Variants in VPS41 observed in about 807,000 individuals in gnomAD.
VPS41 encodes the protein vacuolar protein sorting-associated protein 41 homolog.
Under a neutral mutation model 130.9 loss-of-function variants are expected in VPS41, and 85 were observed. The ratio of observed to expected loss-of-function variants is 0.65; its 90% CI spans 0.55 to 0.78. VPS41 has a LOEUF of 0.78. Among genes scored for constraint, VPS41 ranks in the 30% least tolerant of loss-of-function variants. The pLI is 0.00. For missense variants in VPS41, 874 were observed against 1,018.7 expected (o/e 0.86, Z 1.93); for synonymous variants, 335 against 332.9 (o/e 1.01, Z -0.07).
At chr7:38,765,153 A>G (rs1784012368) in intron 16 of VPS41, among the ~76,000 whole-genome samples, 1 of 152,330 alleles carries the variant, frequency 6.6e-6, no homozygotes, top group East Asian at 1.9e-4. Context: ...AAAAAGAAAC[A>G]TCAAAATTAT....
intron 2 of VPS41, among the ~76,000 whole-genome samples, chr7:38,896,336 T>A (rs1786991450): frequency 6.6e-6 from 1 of 152,160 alleles, no homozygotes; most frequent in African/African-American, 2.4e-5. Context: ...ATATACCCTA[T>A]CTATAAGCAA....
chr7:38,738,173 T>C (rs1795809418), intron 25 of VPS41, among the ~76,000 whole-genome samples: 1 of 152,194 alleles, frequency 6.6e-6, no homozygotes, highest in Non-Finnish European at 1.5e-5. Context: ...TGCTATTTTC[T>C]TTTCCCAAGA....
chr7:38,732,341 A>G (rs1027711343), intron 25 of VPS41, among the ~76,000 whole-genome samples: 4 of 152,206 alleles, frequency 2.6e-5, no homozygotes, highest in Admixed American at 2.0e-4. Flanking sequence ...GAGTAGGTGT[A>G]TGTTTAATTT....
intron 1 of VPS41, among the ~76,000 whole-genome samples, chr7:38,902,963 C>G (rs1259715014): frequency 6.6e-6 from 1 of 152,188 alleles, no homozygotes; most frequent in African/African-American, 2.4e-5. Flanking sequence ...TTCTTTGTCT[C>G]CCAGTATCCT....
chr7:38,853,947 C>T (rs184259757), intron 4 of VPS41, among the ~76,000 whole-genome samples: 14 of 152,272 alleles, frequency 9.2e-5, no homozygotes, highest in Admixed American at 5.9e-4. Context: ...GTTTTCTTAG[C>T]CACTTTGGTG....
chr7:38,854,699 T>C (rs545682894), intron 4 of VPS41, among the ~76,000 whole-genome samples: 3 of 152,330 alleles, frequency 2.0e-5, no homozygotes, highest in Non-Finnish European at 4.4e-5. Context: ...TCTATCAATT[T>C]CTTATTTCTA....
Position 38,806,544 on chromosome 7 carries a change from A to T in VPS41, c.451-9680T>A, listed in dbSNP as rs902079458. On this transcript the variant is annotated intron_variant, in intron 7 of 28. Coordinates refer to ENST00000310301, the MANE Select transcript of VPS41 (RefSeq NM_014396.4). The stretch of plus-strand genomic sequence containing the variant: ...TAAAATAATTGAGATTACTCTAAAC[A>T]TTCCTTTACTTTTTATTATTATAAA... 2.0e-5 allele frequency among the ~76,000 whole-genome samples: 3 copies of T among 152,242 alleles called. No individual in the cohort carries two copies. In the East Asian group the frequency reaches 5.8e-4, roughly 29 times the overall value.
rs146415083 is a variant in VPS41 at position 38,728,567 on chromosome 7, C to T, written c.2379G>A (p.Ser793=). ...CTGATGGAAGAATAGGGGAAAGGCA[C>T]GACTCACAGATGTTCTCCTCTGTAA... ...VLVDEENICE[S]CLSPILPSDA... Residue 793 remains serine, a synonymous_variant, in exon 27 of 29, where the codon TCG becomes TCA. Transcript: ENST00000310301. The T allele has an allele frequency of 8.5e-5, 138 of 1,614,122 alleles. No homozygotes were observed. In the African/African-American group the frequency reaches 1.2e-3, roughly 14 times the overall value.
chr7:38,758,513 C>T (rs1783850618), intron 17 of VPS41, 32 bp from the exon 18 acceptor site: 2 of 1,596,264 alleles, frequency 1.3e-6, no homozygotes, highest in Admixed American at 1.8e-5. Context: ...AAAAAGAACA[C>T]TCATTCAACA....
intron 25 of VPS41, among the ~76,000 whole-genome samples, chr7:38,731,762 TTC>T (rs1183225487): frequency 6.9e-6 from 1 of 145,604 alleles, no homozygotes; most frequent in Non-Finnish European, 1.5e-5. Flanking sequence ...TGTGCTATTT[TTC>T]TTTTTAAAAT....
At chr7:38,879,891 T>A (rs201927360) in intron 2 of VPS41, among the ~76,000 whole-genome samples, 2 of 146,036 alleles carry the variant, frequency 1.4e-5, no homozygotes, top group Non-Finnish European at 1.5e-5. Context: ...GTCATTTCTT[T>A]AAAAAAAAAA....
Position 38,776,754 on chromosome 7 carries a change from G to T in VPS41, c.807C>A (p.Phe269Leu). Reference protein sequence around the residue: ...VEIVSQFETEFYISGLAPLCD... With the variant: ...VEIVSQFETELYISGLAPLCD... ...AGAGAGGTGCAAGTCCACTGATGTAGAATTCAGTTTCAAACTGAGACACTG... is the reference window on the plus strand; with the variant it reads ...AGAGAGGTGCAAGTCCACTGATGTATAATTCAGTTTCAAACTGAGACACTG... The change falls in exon 11 of 29, where the codon TTC becomes TTA. Residue 269 changes from phenylalanine to leucine, a missense_variant. Coordinates refer to ENST00000310301, the MANE Select transcript of VPS41 (RefSeq NM_014396.4). 6.2e-7 allele frequency: 1 copy of T among 1,610,464 alleles called. No individual in the cohort carries two copies. Among genetic ancestry groups the T allele is most frequent in the Non-Finnish European group, 8.5e-7 (1 of 1,177,000 alleles).
rs1225236550 is a variant in VPS41 at position 38,752,454 on chromosome 7, G to A, written c.1789-141C>T. ...CTTCAGGGAAAACCTCTAGGTGATGGAGAAGTGGAAAGGAAAACCCTTTGG... is the reference window on the plus strand; with the variant it reads ...CTTCAGGGAAAACCTCTAGGTGATGAAGAAGTGGAAAGGAAAACCCTTTGG... On this transcript the variant is annotated intron_variant, in intron 21 of 28. Transcript: ENST00000310301. 4 of 1,012,118 alleles carry A rather than the reference G, an allele frequency of 4.0e-6. No individual in the cohort carries two copies. The African/African-American group carries it at 6.5e-5, about 17-fold the overall frequency. The allele number at this position is 1,012,118 out of a possible 1,614,324, so 62.7% of individuals were successfully genotyped here.
At chr7:38,727,911 TATCTA>T (rs1298859967) in intron 27 of VPS41, among the ~76,000 whole-genome samples, 1 of 152,204 alleles carries the variant, frequency 6.6e-6, no homozygotes, top group African/African-American at 2.4e-5. Context: ...TGAAGACATA[TATCTA>T]TCTGCCAAGA....
rs192169538 is a variant in VPS41 at position 38,832,885 on chromosome 7, T to C, written c.247-2557A>G. 1.2e-3 allele frequency among the ~76,000 whole-genome samples: 177 copies of C among 152,266 alleles called. 3 individuals carry two copies. Among genetic ancestry groups the C allele is most frequent in the Non-Finnish European group, 2.8e-4 (19 of 68,022 alleles). On this transcript the variant is annotated intron_variant, in intron 4 of 28. Transcript: ENST00000310301. Reference sequence around the variant, plus strand: ...ATCTCCAGGCAGGGCCTCTCCCTATTGCAGACCAGTATCTAAGATGGTTTC... The same window carrying C: ...ATCTCCAGGCAGGGCCTCTCCCTATCGCAGACCAGTATCTAAGATGGTTTC...
At chr7:38,752,119 A>G (rs1783685902) in intron 22 of VPS41, 57 bp downstream of exon 22, 2 of 1,605,452 alleles carry the variant, frequency 1.2e-6, no homozygotes, top group Admixed American at 3.4e-5. Flanking sequence ...CAAACAACTT[A>G]CCATCAATGA....
At chr7:38,787,917 G>A (rs1303332802) in intron 10 of VPS41, among the ~76,000 whole-genome samples, 5 of 152,176 alleles carry the variant, frequency 3.3e-5, no homozygotes, top group African/African-American at 1.2e-4. Context: ...ATGTGATACT[G>A]TTAGTATCCA....
intron 2 of VPS41, among the ~76,000 whole-genome samples, chr7:38,890,615 A>C (rs911430078): frequency 5.3e-5 from 8 of 152,200 alleles, no homozygotes; most frequent in Non-Finnish European, 8.8e-5. Flanking sequence ...GTGATATTGT[A>C]CTAGAGTTAC....
At chr7:38,827,355 T>C (rs1785300024) in intron 5 of VPS41, among the ~76,000 whole-genome samples, 1 of 152,156 alleles carries the variant, frequency 6.6e-6, no homozygotes, top group African/African-American at 2.4e-5. Flanking sequence ...AGTATATGTG[T>C]GAGACGTCAC....
Sources: allele counts gnomAD v4.1 joint callset (sites outside exome capture counted in the v4.1 genomes callset), GRCh38; gene constraint gnomAD v4.1.1; transcripts MANE v1.5; gene names NCBI Gene and HGNC (gene_info 2026-07-23, HGNC 2026-07-21).